The following LOXL2 variants were observed in gnomAD, a reference collection of about 807,000 sequenced individuals.
The protein encoded by LOXL2 is lysyl oxidase homolog 2.
LOXL2 carries 70 observed loss-of-function variants against 93.0 expected under a neutral mutation model. The ratio of observed to expected loss-of-function variants is 0.75; its 90% CI spans 0.62 to 0.92. The LOEUF (loss-of-function observed/expected upper bound fraction) is 0.92, where lower values mean the gene tolerates loss of function less well. Ranked by LOEUF, LOXL2 falls within the 40% of genes least tolerant of loss-of-function variation. The pLI is 0.00. For synonymous variants in LOXL2, 438 were observed against 413.2 expected (o/e 1.06, Z -0.73); for missense variants, 973 against 1,054.9 (o/e 0.92, Z 1.08).
chr8:23,323,464 G>A (rs931086033), intron 6 of LOXL2, among the ~76,000 whole-genome samples: 2 of 152,190 alleles, frequency 1.3e-5, no homozygotes, highest in Non-Finnish European at 2.9e-5. Context: ...CTGCCTTGAA[G>A]AAAAACCTCC....
At chr8:23,369,473 G>A (rs1804464422) in intron 1 of LOXL2, among the ~76,000 whole-genome samples, 1 of 152,180 alleles carries the variant, frequency 6.6e-6, no homozygotes, top group Non-Finnish European at 1.5e-5. Context: ...CCTATGCAGA[G>A]GAGTAGGCTA....
At position 23,352,880 on chromosome 8, in the gene LOXL2, G is replaced by A. The variant is rs558010292; in HGVS notation, c.531+7210C>T. The stretch of plus-strand genomic sequence containing the variant: ...CACAAACGGGAAACTGAGGCTTGGA[G>A]GTCACTCAGGGGATAGGCAGCACCT... On this transcript the variant is annotated intron_variant, in intron 3 of 13. Transcript: ENST00000389131. Among the ~76,000 whole-genome samples the A allele has an allele frequency of 1.8e-3, 275 of 151,946 alleles. 1 individual carries two copies. Among genetic ancestry groups the A allele is most frequent in the African/African-American group, 6.3e-3 (261 of 41,394 alleles).
rs1003894084 is a variant in LOXL2 at position 23,324,109 on chromosome 8, A to C, written c.1151-1828T>G. Among the ~76,000 whole-genome samples, 8 of 152,222 alleles carry C rather than the reference A, an allele frequency of 5.3e-5. No homozygotes were observed. The South Asian group carries it at 1.2e-3, about 24-fold the overall frequency. ...CAGGATCCAGGCTGAAAAGCACTCA[A>C]ACAGTGTTTGTGGATTGCTAAGACT... On this transcript the variant is annotated intron_variant, in intron 6 of 13. Coordinates refer to ENST00000389131, the MANE Select transcript of LOXL2 (RefSeq NM_002318.3).
chr8:23,333,963 C>T (rs1426466228), intron 4 of LOXL2, among the ~76,000 whole-genome samples: 2 of 152,196 alleles, frequency 1.3e-5, no homozygotes, highest in East Asian at 3.8e-4. Flanking sequence ...CAGGTGAGAT[C>T]CCTGGTCCTA....
At chr8:23,385,734 T>C in intron 1 of LOXL2, 1 of 570,772 alleles carries the variant, frequency 1.8e-6, no homozygotes, top group Non-Finnish European at 3.1e-6. Context: ...ATATGAAATT[T>C]TAAATTCCCT....
Position 23,298,001 on chromosome 8 carries a change from T to G in LOXL2, c.*42A>C, listed in dbSNP as rs1803065475. 1.3e-6 allele frequency: 2 copies of G among 1,527,736 alleles called. No individual in the cohort carries two copies. The highest frequency in any genetic ancestry group is 1.7e-5 in the Admixed American group (1 of 58,652). The allele number at this position is 1,527,736 out of a possible 1,614,324, so 94.6% of individuals were successfully genotyped here. A position where few individuals can be genotyped will look rare whatever the true frequency, so the allele number is the denominator to read the frequency against. On this transcript the variant is annotated 3_prime_UTR_variant, in exon 14 of 14. Transcript: ENST00000389131. The stretch of plus-strand genomic sequence containing the variant: ...TGTTGGGGGGAAGTCCCATGGAAGA[T>G]GTGGTGTGGCCTGAAGACAGGAGTT...
intron 2 of LOXL2, among the ~76,000 whole-genome samples, chr8:23,360,968 T>C (rs991297177): frequency 6.6e-6 from 1 of 152,074 alleles, no homozygotes; most frequent in Non-Finnish European, 1.5e-5. Context: ...TGGCGTGATC[T>C]TGGCTCACTT....
chr8:23,310,061 G>T, intron 9 of LOXL2, 150 bp from the exon 10 acceptor site: 4 of 734,660 alleles, frequency 5.4e-6, no homozygotes, highest in Non-Finnish European at 7.8e-6. Flanking sequence ...TTCTTGTTTA[G>T]CAAGACCCTG....
At chr8:23,352,040 T>A (rs1011742641) in intron 3 of LOXL2, among the ~76,000 whole-genome samples, 1 of 139,826 alleles carries the variant, frequency 7.2e-6, no homozygotes, top group African/African-American at 3.1e-5. Context: ...CTCGAACTCC[T>A]GACCTCAAGT....
intron 10 of LOXL2, among the ~76,000 whole-genome samples, chr8:23,305,204 A>C (rs1286307143): frequency 2.0e-5 from 3 of 152,232 alleles, no homozygotes; most frequent in African/African-American, 7.2e-5. Context: ...ACCAGCTGGA[A>C]AGACTGAAGA....
In LOXL2 at chr8:23,316,974, G is replaced by A. The variant is rs778888581; in HGVS notation, c.1611C>T (p.Tyr537=). 3.7e-5 allele frequency: 59 copies of A among 1,612,272 alleles called. No individual in the cohort carries two copies. The highest frequency in any genetic ancestry group is 1.3e-4 in the East Asian group (6 of 44,848). ...DVACPQGGVQ[Y]GAGVACSETA... The stretch of plus-strand genomic sequence containing the variant: ...TTTCTGAGCAGGCAACTCCGGCCCC[G>A]TACTGCACTCCGCCCTGGGGGCAGG... The change falls in exon 9 of 14, where the codon TAC becomes TAT. Residue 537 remains tyrosine, a synonymous_variant. Transcript: ENST00000389131.
At chr8:23,352,923 G>A (rs4872109) in intron 3 of LOXL2, among the ~76,000 whole-genome samples, 28,368 of 148,496 alleles carry the variant, frequency 0.19, 3,569 homozygotes, top group African/African-American at 0.36. Context: ...ACAGCCTGGG[G>A]ATTTTCCAAT....
At chr8:23,372,342 C>T (rs542045454) in intron 1 of LOXL2, among the ~76,000 whole-genome samples, 115 of 151,988 alleles carry the variant, frequency 7.6e-4, no homozygotes, top group African/African-American at 2.2e-3. Flanking sequence ...CTTAGCCCCT[C>T]GAGTAGCTGG....
At chr8:23,298,613 G>A (rs1803077366) in intron 13 of LOXL2, among the ~76,000 whole-genome samples, 1 of 152,224 alleles carries the variant, frequency 6.6e-6, no homozygotes, top group African/African-American at 2.4e-5. Flanking sequence ...TCTGCACTGG[G>A]CTGGCCTGGT....
At chr8:23,360,645 TAAC>T in intron 2 of LOXL2, among the ~76,000 whole-genome samples, 1 of 152,302 alleles carries the variant, frequency 6.6e-6, no homozygotes, top group East Asian at 1.9e-4. Context: ...AAAGTGGGGC[TAAC>T]AATGACACTT....
intron 1 of LOXL2, chr8:23,385,717 G>C (rs1804749498): frequency 1.6e-5 from 9 of 563,242 alleles, no homozygotes. Context: ...AACGTAATGA[G>C]AGCCACATAT....
intron 5 of LOXL2, chr8:23,331,557 C>G (rs1053945296): frequency 3.3e-5 from 5 of 152,252 alleles, no homozygotes; most frequent in African/African-American, 1.2e-4. Flanking sequence ...TCTCCTCTTC[C>G]CAGTTGCTAT....
At position 23,316,933 on chromosome 8, in the gene LOXL2, G is replaced by A. The variant is rs1260416157; in HGVS notation, c.1636+16C>T. The stretch of plus-strand genomic sequence containing the variant: ...CCCTTGGGAGCCCGGTGGGGAGGGA[G>A]GGGAGGAGCTCTCACTTTCTGAGCA... On this transcript the variant is annotated intron_variant, in intron 9 of 13. Coordinates refer to ENST00000389131, the MANE Select transcript of LOXL2 (RefSeq NM_002318.3). 4 of 1,571,798 alleles carry A rather than the reference G, an allele frequency of 2.5e-6. No homozygotes were observed. The highest frequency in any genetic ancestry group is 2.7e-5 in the African/African-American group (2 of 73,310).
Position 23,319,906 on chromosome 8 carries a change from T to C in LOXL2, c.1449A>G (p.Gly483=), listed in dbSNP as rs1279677301. 6.2e-7 allele frequency: 1 copy of C among 1,613,778 alleles called. No individual in the cohort carries two copies. Among genetic ancestry groups the C allele is most frequent in the East Asian group, 2.2e-5 (1 of 44,864 alleles). Reference sequence around the variant, plus strand: ...TCACCTGGAAGGCGTTGCTGGCGAATCCCAGGCCCAGCTGGCGGCAGACCA... The same window carrying C: ...TCACCTGGAAGGCGTTGCTGGCGAACCCCAGGCCCAGCTGGCGGCAGACCA... ...AMVVCRQLGL[G]FASNAFQETW... Residue 483 remains glycine (G), a synonymous_variant, in exon 8 of 14, where the codon GGA becomes GGG. Coordinates refer to ENST00000389131, the MANE Select transcript of LOXL2 (RefSeq NM_002318.3).
Sources: gnomAD v4.1 joint callset for allele counts (sites outside exome capture counted in the v4.1 genomes callset) on GRCh38, gnomAD v4.1.1 for gene constraint, MANE v1.5 for transcripts, NCBI Gene and HGNC (gene_info 2026-07-23, HGNC 2026-07-21) for gene names.